ROBO2: variants seen among roughly 807,000 people sequenced by gnomAD.
ROBO2 encodes roundabout homolog 2.
In ROBO2, 53 loss-of-function variants were observed where a neutral mutation model predicts 160.8. The observed-to-expected ratio is 0.33, with a 90% CI of 0.26 to 0.41. The LOEUF is 0.41. Ranked by LOEUF, ROBO2 falls within the 10% of genes least tolerant of loss-of-function variation. The pLI is 1.00. For synonymous variants in ROBO2, 664 were observed against 611.7 expected, an observed-to-expected ratio of 1.09 and a Z score of -1.26; for missense variants, 1,577 against 1,722.4, an observed-to-expected ratio of 0.92 and a Z score of 1.49.
chr3:77,389,226 G>T (rs2074452107), intron 2 of ROBO2, among the ~76,000 whole-genome samples: 1 of 152,198 alleles, frequency 6.6e-6, no homozygotes, highest in Non-Finnish European at 1.5e-5. Context: ...TTACACGTGT[G>T]AGCCACCACG....
intron 2 of ROBO2, among the ~76,000 whole-genome samples, chr3:76,004,387 G>A (rs142030089): frequency 3.2e-4 from 48 of 152,240 alleles, no homozygotes; most frequent in Middle Eastern, 3.4e-3. Context: ...GTTTGGGGGC[G>A]AGGATTGATT....
chr3:76,881,582 G>A lies in ROBO2; in HGVS notation c.110-216432G>A, dbSNP rs116326814. 8.9e-3 allele frequency among the ~76,000 whole-genome samples: 1,357 copies of A among 152,038 alleles called. 24 individuals carry two copies. The highest frequency in any genetic ancestry group is 0.031 in the African/African-American group (1,288 of 41,454). ...AATAATTAGAATAATATCAACATAA[G>A]GACATATATCTGCTGCAAAATTATT... On this transcript the variant is annotated intron_variant, in intron 2 of 26. Transcript: ENST00000487694.
chr3:76,779,162 C>T (rs911635891), intron 2 of ROBO2, among the ~76,000 whole-genome samples: 5 of 150,950 alleles, frequency 3.3e-5, no homozygotes, highest in Non-Finnish European at 7.4e-5. Flanking sequence ...TTTTCTTCTA[C>T]TCCTTTAAAA....
intron 2 of ROBO2, among the ~76,000 whole-genome samples, chr3:76,589,202 C>T (rs1174373593): frequency 6.6e-6 from 1 of 152,204 alleles, no homozygotes; most frequent in East Asian, 1.9e-4. Context: ...GATATCAAAA[C>T]ATCGCTCTGT....
chr3:77,607,913 C>A (rs2094557066), exon 21 of ROBO2: 4 of 1,613,948 alleles, frequency 2.5e-6, no homozygotes, highest in East Asian at 2.2e-5. Flanking sequence ...CCCTTCCTGG[C>A]ACGGAGCTGG....
At chr3:77,409,390 A>C (rs4597687) in intron 2 of ROBO2, among the ~76,000 whole-genome samples, 1 of 152,018 alleles carries the variant, frequency 6.6e-6, no homozygotes, top group African/African-American at 2.4e-5. Flanking sequence ...AATTAAATCA[A>C]ACTCTAGGTA....
chr3:76,134,730 T>C lies in ROBO2; in HGVS notation c.109+197128T>C, dbSNP rs78131365. Among the ~76,000 whole-genome samples the C allele has an allele frequency of 9.4e-3, 1,436 of 152,158 alleles. 25 individuals carry two copies. Among genetic ancestry groups the C allele is most frequent in the African/African-American group, 0.033 (1,385 of 41,532 alleles). On this transcript the variant is annotated intron_variant, in intron 2 of 26. Coordinates refer to the ROBO2 transcript ENST00000487694. The stretch of plus-strand genomic sequence containing the variant: ...AAGACATGTCTGGATTCCTGACCCA[T>C]GGAATCCGTGAGATAATAAATATCA...
At chr3:77,344,841 T>G (rs2067457447) in intron 2 of ROBO2, among the ~76,000 whole-genome samples, 1 of 152,100 alleles carries the variant, frequency 6.6e-6, no homozygotes, top group Admixed American at 6.6e-5. Context: ...AAAGTTTTTT[T>G]GGTCTCAAAT....
intron 23 of ROBO2, chr3:77,631,266 G>C (rs764811210): frequency 2.0e-5 from 3 of 151,974 alleles, no homozygotes; most frequent in Non-Finnish European, 4.4e-5. Context: ...TCTCTGTATT[G>C]AAAGTGCATG....
rs537919580 is a variant in ROBO2, at chr3:76,570,435, G to A, written c.110-527579G>A. ...CTTAATGGGATGTAAAAAATAACTC[G>A]TACATCTAGAGCGCTTTAAAATAAC... is the stretch of plus-strand genomic sequence containing the variant. On this transcript the variant is annotated intron_variant, in intron 2 of 26. Transcript: ENST00000487694. Among the ~76,000 whole-genome samples, 115 of 152,260 alleles carry A rather than the reference G, an allele frequency of 7.6e-4. 1 individual carries two copies. The highest frequency in any genetic ancestry group is 1.3e-3 in the Non-Finnish European group (91 of 68,016).
chr3:76,744,840 T>A (rs2093859296), intron 2 of ROBO2, among the ~76,000 whole-genome samples: 1 of 152,188 alleles, frequency 6.6e-6, no homozygotes, highest in African/African-American at 2.4e-5. Context: ...TATTTTAGCT[T>A]GAAAAGAATT....
chr3:76,460,164 A>G (rs1330669642), intron 2 of ROBO2, among the ~76,000 whole-genome samples: 1 of 152,132 alleles, frequency 6.6e-6, no homozygotes, highest in East Asian at 1.9e-4. Context: ...ACTGAGCACA[A>G]AGATGCACTT....
intron 2 of ROBO2, among the ~76,000 whole-genome samples, chr3:76,107,393 A>G (rs777832626): frequency 3.1e-4 from 47 of 152,286 alleles, no homozygotes; most frequent in Non-Finnish European, 5.0e-4. Flanking sequence ...TATATTTACC[A>G]TATTATTCAA....
chr3:77,019,798 A>T lies in ROBO2; in HGVS notation c.110-78216A>T, dbSNP rs191801135. On this transcript the variant is annotated intron_variant, in intron 2 of 26. Transcript: ENST00000487694. ...TCTAAAATTCTGTGAAAAACTTTTT[A>T]AAAAGAAGGCTAAAGAAACAGATTG... is the stretch of plus-strand genomic sequence containing the variant. Among the ~76,000 whole-genome samples the T allele has an allele frequency of 4.7e-3, 713 of 152,314 alleles. 4 individuals carry two copies. Among genetic ancestry groups the T allele is most frequent in the African/African-American group, 0.016 (670 of 41,570 alleles).
intron 2 of ROBO2, among the ~76,000 whole-genome samples, chr3:76,390,894 A>C (rs1054102868): frequency 6.6e-6 from 1 of 152,140 alleles, no homozygotes; most frequent in South Asian, 2.1e-4. Flanking sequence ...TAGACCCTAG[A>C]GTCTGCCATA....
At chr3:76,192,850 T>C (rs562876676) in intron 2 of ROBO2, among the ~76,000 whole-genome samples, 1 of 152,148 alleles carries the variant, frequency 6.6e-6, no homozygotes, top group Admixed American at 6.6e-5. Context: ...GACAGCCAAG[T>C]GTTCACAAGA....
At chr3:77,490,665 A>G (rs994469662) in intron 4 of ROBO2, among the ~76,000 whole-genome samples, 8 of 152,070 alleles carry the variant, frequency 5.3e-5, no homozygotes, top group African/African-American at 1.9e-4. Flanking sequence ...CATTTCTATG[A>G]TGAAAGGAGC....
At chr3:76,698,275 A>G (rs2092973832) in intron 2 of ROBO2, among the ~76,000 whole-genome samples, 2 of 152,218 alleles carry the variant, frequency 1.3e-5, no homozygotes, top group African/African-American at 4.8e-5. Context: ...AGCATTGACC[A>G]TTGACACGGT....
chr3:77,596,514 T>A (rs562177516), intron 18 of ROBO2, 109 bp from the exon 20 acceptor site: 1 of 1,332,886 alleles, frequency 7.5e-7, no homozygotes. Context: ...TATATTAATT[T>A]GAAGTCAATG....
Sources: gnomAD v4.1 joint callset for allele counts (sites outside exome capture counted in the v4.1 genomes callset) on GRCh38, gnomAD v4.1.1 for gene constraint, MANE v1.5 for transcripts, NCBI Gene and HGNC (gene_info 2026-07-23, HGNC 2026-07-21) for gene names.